The following CLASP1 variants were observed in gnomAD, a reference collection of about 807,000 sequenced individuals.
CLASP1 encodes CLIP-associating protein 1.
In CLASP1, 38 loss-of-function variants were observed where a neutral mutation model predicts 192.3. The ratio of observed to expected loss-of-function variants is 0.20; its 90% confidence interval spans 0.15 to 0.26. CLASP1 has a LOEUF of 0.26. Ranked by LOEUF, CLASP1 falls within the 10% of genes least tolerant of loss-of-function variation. CLASP1 has a pLI of 1.00. For missense variants in CLASP1, 1,433 were observed against 1,932.5 expected (o/e 0.74, Z 4.85); for synonymous variants, 691 against 712.8 (o/e 0.97, Z 0.49).
chr2:121,378,158 T>TAAAAC (rs1229660406), intron 33 of CLASP1, among the ~76,000 whole-genome samples: 2 of 152,022 alleles, frequency 1.3e-5, no homozygotes, highest in African/African-American at 2.4e-5. Flanking sequence ...AAAACCCTAT[T>TAAAAC]AAAACAAAAC....
At chr2:121,427,767 A>C (rs997769875) in intron 20 of CLASP1, among the ~76,000 whole-genome samples, 3 of 152,224 alleles carry the variant, frequency 2.0e-5, no homozygotes, top group Admixed American at 6.5e-5. Flanking sequence ...CTTACCACAT[A>C]GTAAGTGCTC....
intron 2 of CLASP1, among the ~76,000 whole-genome samples, chr2:121,544,498 T>C (rs1392911433): frequency 1.4e-5 from 2 of 146,186 alleles, no homozygotes; most frequent in Non-Finnish European, 3.0e-5. Flanking sequence ...TGGAAAAACA[T>C]AACAATAGTC....
At chr2:121,551,355 A>G (rs1032107211) in intron 2 of CLASP1, among the ~76,000 whole-genome samples, 5 of 152,218 alleles carry the variant, frequency 3.3e-5, no homozygotes, top group African/African-American at 9.6e-5. Flanking sequence ...AGCTAGAGCA[A>G]TCAGGCAAGA....
chr2:121,564,072 A>G (rs1050474716), intron 2 of CLASP1, among the ~76,000 whole-genome samples: 3 of 152,226 alleles, frequency 2.0e-5, no homozygotes, highest in Admixed American at 6.5e-5. Flanking sequence ...ACCTGTCCCC[A>G]TGATTCAATC....
chr2:121,524,445 T>C (rs542542899), intron 6 of CLASP1, among the ~76,000 whole-genome samples: 1 of 152,042 alleles, frequency 6.6e-6, no homozygotes, highest in South Asian at 2.1e-4. Flanking sequence ...TTATTTCCCA[T>C]GCCATATATT....
intron 1 of CLASP1, among the ~76,000 whole-genome samples, chr2:121,612,118 G>C (rs1243419696): frequency 2.7e-5 from 4 of 150,656 alleles, no homozygotes; most frequent in African/African-American, 9.8e-5. Context: ...GGAGGAGGAG[G>C]AGGAGTTACA....
chr2:121,398,421 T>G (rs771411312), intron 28 of CLASP1, 21 bp from the exon 30 acceptor site: 254 of 1,506,618 alleles, frequency 1.7e-4, no homozygotes, highest in Non-Finnish European at 2.0e-4. Flanking sequence ...GGGAAAAAAG[T>G]GCTTATTTTT....
In CLASP1 at chr2:121,463,911, T is replaced by C. The variant is rs553357448; in HGVS notation, c.866-1306A>G. Among the ~76,000 whole-genome samples the C allele has an allele frequency of 6.5e-3, 992 of 152,010 alleles. 15 individuals are homozygous for C. Among genetic ancestry groups the C allele is most frequent in the African/African-American group, 0.023 (948 of 41,484 alleles). On this transcript the variant is annotated intron_variant, in intron 9 of 39. Transcript: ENST00000263710. Reference sequence around the variant, plus strand: ...GCACAATGTGCCGGTTAGTTACATATGTATACATGTGCCATGCTGGTGCGC... The same window carrying C: ...GCACAATGTGCCGGTTAGTTACATACGTATACATGTGCCATGCTGGTGCGC...
At chr2:121,488,983 T>C (rs1197326575) in intron 8 of CLASP1, among the ~76,000 whole-genome samples, 3 of 152,230 alleles carry the variant, frequency 2.0e-5, no homozygotes, top group East Asian at 1.9e-4. Context: ...GCTATCTCCA[T>C]GGCTTTTAAC....
chr2:121,418,695 A>C, exon 23 of CLASP1: 1 of 1,613,840 alleles, frequency 6.2e-7, no homozygotes, highest in Non-Finnish European at 8.5e-7. Context: ...TGCACCCCTG[A>C]CTCATGCTGG....
intron 37 of CLASP1, among the ~76,000 whole-genome samples, chr2:121,360,023 C>T (rs988479281): frequency 3.9e-5 from 6 of 152,216 alleles, no homozygotes; most frequent in Admixed American, 6.5e-5. Flanking sequence ...TCCCAAACAG[C>T]TTTTGTGACA....
intron 2 of CLASP1, among the ~76,000 whole-genome samples, chr2:121,592,624 A>G (rs1237493079): frequency 6.6e-6 from 1 of 152,144 alleles, no homozygotes; most frequent in Non-Finnish European, 1.5e-5. Flanking sequence ...CCCTTTGGCA[A>G]CCAGCATAAT....
intron 30 of CLASP1, 126 bp downstream of exon 31, chr2:121,397,014 G>C (rs1246262794): frequency 1.2e-6 from 1 of 838,010 alleles, no homozygotes; most frequent in Non-Finnish European, 1.9e-6. Context: ...AGAGAAAAGG[G>C]CAACAGCAGA....
intron 2 of CLASP1, among the ~76,000 whole-genome samples, chr2:121,578,726 CAAA>C (rs3980092): frequency 0.34 from 35,672 of 105,652 alleles, 6,756 homozygotes; most frequent in African/African-American, 0.59. Flanking sequence ...GACTCCGTCT[CAAA>C]AAAAAAAAAA....
chr2:121,459,083 A>G, intron 12 of CLASP1, 108 bp from the exon 13 acceptor site: 1 of 777,752 alleles, frequency 1.3e-6, no homozygotes, highest in Non-Finnish European at 1.9e-6. Flanking sequence ...TAGAAAGGAC[A>G]AGGGTCTGAG....
intron 2 of CLASP1, among the ~76,000 whole-genome samples, chr2:121,557,314 G>A (rs2058653724): frequency 6.6e-6 from 1 of 152,150 alleles, no homozygotes; most frequent in South Asian, 2.1e-4. Flanking sequence ...GGCCAGGCTT[G>A]GTGGCTCACA....
At chr2:121,455,360 T>C (rs1042969511) in intron 14 of CLASP1, among the ~76,000 whole-genome samples, 3 of 152,214 alleles carry the variant, frequency 2.0e-5, no homozygotes, top group Non-Finnish European at 2.9e-5. Flanking sequence ...CTCATGATTA[T>C]TGCAAGACTA....
chr2:121,518,743 G>A (rs889704533), intron 6 of CLASP1, among the ~76,000 whole-genome samples: 2 of 152,004 alleles, frequency 1.3e-5, no homozygotes, highest in African/African-American at 4.8e-5. Flanking sequence ...TGGGCATGGC[G>A]GCGAGCGCCT....
intron 19 of CLASP1, among the ~76,000 whole-genome samples, chr2:121,443,947 C>A (rs1158200482): frequency 6.6e-6 from 1 of 152,172 alleles, no homozygotes. Context: ...ACTTTGCATG[C>A]TAGCCCTTTA....
Sources: allele counts gnomAD v4.1 joint callset (sites outside exome capture counted in the v4.1 genomes callset), GRCh38; gene constraint gnomAD v4.1.1; transcripts MANE v1.5; gene names NCBI Gene and HGNC (gene_info 2026-07-23, HGNC 2026-07-21).